Variants in KRT86 observed in about 807,000 individuals in gnomAD.
KRT86 encodes keratin, type II cuticular Hb6.
A neutral mutation model predicts 41.2 loss-of-function variants in KRT86; 30 were observed. The observed-to-expected ratio is 0.73, with a 90% CI of 0.54 to 0.99. The LOEUF is 0.99. KRT86 is among the 50% of genes least tolerant of loss of function. KRT86 has a pLI of 0.00. For missense variants in KRT86, 561 were observed against 571.4 expected (o/e 0.98, Z 0.19); for synonymous variants, 238 against 238.1 (o/e 1.00, Z 0.00).
At chr12:52,294,355 T>G (rs137956145) in intron 2 of KRT86, among the ~76,000 whole-genome samples, 2 of 152,370 alleles carry the variant, frequency 1.3e-5, no homozygotes, top group African/African-American at 2.4e-5. Context: ...GATGTAAGAA[T>G]ATGAAAAATT....
chr12:52,286,125 C>T, intron 2 of KRT86: 1 of 790,420 alleles, frequency 1.3e-6, no homozygotes, highest in Admixed American at 2.1e-5. Flanking sequence ...AAATGTGAGG[C>T]CAGGAGTGGG....
At position 52,305,180 on chromosome 12, in the gene KRT86, T is replaced by C. The variant is rs138544429; in HGVS notation, c.736-60T>C. On this transcript the variant is annotated intron_variant, in intron 6 of 10. Coordinates refer to ENST00000423955, the MANE Select transcript of KRT86 (RefSeq NM_001320198.2). ...CCAGAGAAAGCCTGAGGAGGTGGAG[T>C]CAGGACATGGTGGGTGGGGCTGTGT... 2.0e-3 allele frequency: 3,205 copies of C among 1,613,058 alleles called. 45 individuals are homozygous for C. The African/African-American group carries it at 0.037, about 19-fold the overall frequency.
At chr12:52,292,163 C>T (rs561834130) in intron 2 of KRT86, among the ~76,000 whole-genome samples, 1 of 152,296 alleles carries the variant, frequency 6.6e-6, no homozygotes, top group South Asian at 2.1e-4. Flanking sequence ...AATAATACAA[C>T]ACACATGCAT....
rs976814490 is a variant in KRT86, at chr12:52,304,950, C to T, written c.658C>T (p.Leu220Phe). 3.1e-6 allele frequency: 5 copies of T among 1,614,060 alleles called. No homozygotes were observed. The highest frequency in any genetic ancestry group is 2.7e-5 in the African/African-American group (2 of 74,926). ...ALKKDVDCAY[L>F]RKSDLEANVE... Reference sequence around the variant, plus strand: ...TTTCCAGGATGTGGACTGCGCCTACCTCCGCAAATCAGACCTGGAGGCCAA... The same window carrying T: ...TTTCCAGGATGTGGACTGCGCCTACTTCCGCAAATCAGACCTGGAGGCCAA... Residue 220 changes from leucine (L) to phenylalanine (F), a missense_variant, in exon 6 of 11, where the codon CTC becomes TTC. Physicochemically the swap from Leu to Phe is conservative, Grantham distance 22. Transcript: ENST00000423955.
At chr12:52,301,227 A>ATG (rs1269255004) in intron 2 of KRT86, among the ~76,000 whole-genome samples, 1 of 151,546 alleles carries the variant, frequency 6.6e-6, no homozygotes, top group Non-Finnish European at 1.5e-5. Context: ...TTGTGTGTGT[A>ATG]TGTGTGTGTG....
intron 2 of KRT86, among the ~76,000 whole-genome samples, chr12:52,297,197 A>C (rs575796181): frequency 2.6e-4 from 40 of 152,310 alleles, no homozygotes; most frequent in African/African-American, 9.6e-4. Context: ...CTTTCCCATC[A>C]GACTAGCTGC....
chr12:52,294,979 T>C (rs1938216733), intron 2 of KRT86, among the ~76,000 whole-genome samples: 1 of 152,222 alleles, frequency 6.6e-6, no homozygotes, highest in Non-Finnish European at 1.5e-5. Context: ...ACTCATTGCA[T>C]GGCTATACCA....
At chr12:52,297,111 C>T (rs972127148) in intron 2 of KRT86, among the ~76,000 whole-genome samples, 1 of 152,266 alleles carries the variant, frequency 6.6e-6, no homozygotes, top group Non-Finnish European at 1.5e-5. Context: ...CTTCCATGCA[C>T]ATCTTCTCAT....
At chr12:52,291,956 T>A (rs1434193982) in intron 2 of KRT86, among the ~76,000 whole-genome samples, 1 of 152,152 alleles carries the variant, frequency 6.6e-6, no homozygotes, top group Non-Finnish European at 1.5e-5. Context: ...CATTAATAAA[T>A]ACCATCTCTC....
intron 8 of KRT86, 97 bp from the exon 9 acceptor site, chr12:52,305,963 G>T: frequency 6.4e-7 from 1 of 1,572,604 alleles, no homozygotes; most frequent in Non-Finnish European, 8.7e-7. Flanking sequence ...CTCTGTTCTG[G>T]GGTGCTCCCA....
chr12:52,276,081 CAG>C, intron 2 of KRT86, 135 bp downstream of exon 2: 6 of 909,456 alleles, frequency 6.6e-6, no homozygotes, highest in Non-Finnish European at 7.9e-6. Context: ...AAGCATACAG[CAG>C]TGCAGCTGCA....
intron 2 of KRT86, chr12:52,285,791 C>T (rs547557105): frequency 2.7e-4 from 54 of 198,900 alleles, no homozygotes; most frequent in Middle Eastern, 2.1e-3. Context: ...TTCTATGAGG[C>T]GGGGGATAGA....
At chr12:52,308,304 T>C in intron 10 of KRT86, 40 bp downstream of exon 10, 1 of 1,613,800 alleles carries the variant, frequency 6.2e-7, no homozygotes, top group Non-Finnish European at 8.5e-7. Flanking sequence ...GCTGGGCGGG[T>C]CTGGGAGCCT....
Position 52,305,692 on chromosome 12 carries a change from G to T in KRT86, c.930G>T (p.Arg310Ser), listed in dbSNP as rs1312587190. 3.7e-6 allele frequency: 6 copies of T among 1,614,118 alleles called. No homozygotes were observed. The change falls in exon 8 of 11, where the codon AGG becomes AGT. Residue 310 changes from arginine (R) to serine (S), a missense_variant. Physicochemically the swap from Arg to Ser is moderately radical, Grantham distance 110. Transcript: ENST00000423955. ...AGGAGATGAAGGCCACGGTGATCAG[G>T]CACGGGGAGACCCTGCGCCGCACCA... ...KCEEMKATVI[R>S]HGETLRRTKE... is the part of the protein sequence containing the mutation.
In KRT86 at chr12:52,287,348, A is replaced by G. The variant is rs375648088; in HGVS notation, c.-5+11402A>G. On this transcript the variant is annotated intron_variant, in intron 2 of 10. Coordinates refer to ENST00000423955, the MANE Select transcript of KRT86 (RefSeq NM_001320198.2). The stretch of plus-strand genomic sequence containing the variant: ...CTGAAGAGAACAGAAAGAACAAGGT[A>G]GATTAGAGTCCCTGGGTCTCTCTGA... 71 of 1,613,502 alleles carry G rather than the reference A, an allele frequency of 4.4e-5. No homozygotes were observed. In the African/African-American group the frequency reaches 8.3e-4, roughly 19 times the overall value.
chr12:52,305,448 G>A (rs1166748012), intron 7 of KRT86, 44 bp downstream of exon 7: 13 of 1,613,972 alleles, frequency 8.1e-6, no homozygotes, highest in African/African-American at 4.0e-5. Flanking sequence ...GGCAGTGGGA[G>A]GGATTTGAGA....
intron 2 of KRT86, among the ~76,000 whole-genome samples, chr12:52,300,387 T>C (rs1334520706): frequency 6.6e-6 from 1 of 152,240 alleles, no homozygotes. Flanking sequence ...GAATAAACAC[T>C]GCCCCTGAGC....
At chr12:52,285,902 C>G (rs1937913203) in intron 2 of KRT86, 2 of 361,328 alleles carry the variant, frequency 5.5e-6, no homozygotes, top group Non-Finnish European at 1.1e-5. Flanking sequence ...GAGACACACA[C>G]AAGACCCAGG....
In KRT86 at chr12:52,305,384, G is replaced by T. The variant is rs183358379; in HGVS notation, c.880G>T (p.Glu294Ter). 21 of 1,614,204 alleles carry T rather than the reference G, an allele frequency of 1.3e-5. No homozygotes were observed. The highest frequency in any genetic ancestry group is 1.8e-5 in the Non-Finnish European group (21 of 1,180,040). Reference protein sequence around the residue: ...DIVTRSRAEAESWYRSKCEEM... With the variant: ...DIVTRSRAEA ...TGTCACCCGTAGCCGGGCTGAGGCC[G>T]AGTCCTGGTACCGCAGCAAGGTGAG... Residue 294 changes from glutamate (E) to a stop codon, truncating the protein, a stop_gained, in exon 7 of 11, where the codon GAG becomes TAG. Coordinates refer to ENST00000423955, the MANE Select transcript of KRT86 (RefSeq NM_001320198.2). LOFTEE classifies it high-confidence loss of function.
Sources: gnomAD v4.1 joint callset for allele counts (sites outside exome capture counted in the v4.1 genomes callset) on GRCh38, gnomAD v4.1.1 for gene constraint, MANE v1.5 for transcripts, NCBI Gene and HGNC (gene_info 2026-07-23, HGNC 2026-07-21) for gene names.